Variants in NOL3 observed in about 807,000 individuals in gnomAD.
NOL3 encodes muscle-enriched cytoplasmic protein.
NOL3 carries 18 observed loss-of-function variants against 19.2 expected under a neutral mutation model. That is an observed-to-expected ratio of 0.94 (90% CI 0.65 to 1.39). The LOEUF (loss-of-function observed/expected upper bound fraction) is 1.39. NOL3 is among the 40% of genes most tolerant of loss of function. The pLI is 0.00. For synonymous variants in NOL3, 127 were observed against 137.3 expected (o/e 0.93, Z 0.52); for missense variants, 290 against 289.5 (o/e 1.00, Z -0.01).
In NOL3 at chr16:67,170,866, C is replaced by G. The variant is rs916431925; in HGVS notation, c.-9+292C>G. 2.0e-5 allele frequency among the ~76,000 whole-genome samples: 3 copies of G among 152,216 alleles called. No individual in the cohort carries two copies. The highest frequency in any genetic ancestry group is 4.4e-5 in the Non-Finnish European group (3 of 68,040). On this transcript the variant is annotated intron_variant, in intron 1 of 3. Coordinates refer to ENST00000268605, the Ensembl canonical transcript of NOL3. The surrounding 1 kb of genome is among the most constrained non-coding windows in gnomAD (Gnocchi z 5.7). ...CTTCCTGGCCAAAGAGCCCGCGCAG[C>G]GAGGTGGGGTTGGGGGCTGGGACCC...
chr16:67,172,405 G>A (rs1466826266), intron 1 of NOL3, among the ~76,000 whole-genome samples: 3 of 152,044 alleles, frequency 2.0e-5, no homozygotes, highest in Non-Finnish European at 2.9e-5. Context: ...GAGGTCAGGA[G>A]TTCGAGACCA....
chr16:67,174,117 G>A (rs774217286), intron 1 of NOL3, 45 bp from the exon 2 acceptor site: 1 of 1,601,596 alleles, frequency 6.2e-7, no homozygotes, highest in Non-Finnish European at 8.5e-7. Flanking sequence ...CGAGGGCAGC[G>A]GGGAGGGCAA....
chr16:67,171,405 A>T (rs2031749728), intron 1 of NOL3: 1 of 152,282 alleles, frequency 6.6e-6, no homozygotes, highest in South Asian at 2.1e-4. Flanking sequence ...GGAGAAAAGG[A>T]TTCCAGTCTT....
chr16:67,173,573 A>G (rs2031901065), intron 1 of NOL3, among the ~76,000 whole-genome samples: 1 of 152,140 alleles, frequency 6.6e-6, no homozygotes, highest in African/African-American at 2.4e-5. Flanking sequence ...AGGATAGAGT[A>G]TGGAAGCAGG....
At chr16:67,174,580 A>AG (rs1555551368) in intron 2 of NOL3, 41 bp from the exon 3 acceptor site, 1 of 1,513,356 alleles carries the variant, frequency 6.6e-7, no homozygotes, top group Non-Finnish European at 8.8e-7. Flanking sequence ...GAAACCGCAC[A>AG]GGGGTAAATT....
chr16:67,174,811 T>C (rs1327510764), exon 3 of NOL3: 1 of 1,604,444 alleles, frequency 6.2e-7, no homozygotes, highest in East Asian at 2.2e-5. Flanking sequence ...CTGAGGCCTC[T>C]AAAGAGGCTG....
chr16:67,171,347 G>A (rs1039768975), intron 1 of NOL3: 6 of 152,334 alleles, frequency 3.9e-5, no homozygotes, highest in African/African-American at 1.2e-4. Flanking sequence ...GTGTAGACAA[G>A]GGAACATTTG....
exon 4 of NOL3, chr16:67,175,059 CA>C: frequency 6.2e-7 from 1 of 1,614,262 alleles, no homozygotes; most frequent in South Asian, 1.1e-5. Flanking sequence ...TCCTGAAGGC[CA>C]GAGCTCTGAC....
At chr16:67,172,178 G>A (rs1428087837) in intron 1 of NOL3, among the ~76,000 whole-genome samples, 1 of 151,264 alleles carries the variant, frequency 6.6e-6, no homozygotes, top group Non-Finnish European at 1.5e-5. Context: ...CCAAGGCGGG[G>A]AGGAGAAGAA....
At chr16:67,174,851 G>C in exon 3 of NOL3, 1 of 1,607,924 alleles carries the variant, frequency 6.2e-7, no homozygotes, top group Non-Finnish European at 8.5e-7. Context: ...GCCAGAGCTG[G>C]AACCCGAGGC....
rs1344718467 is a variant in NOL3 at position 67,170,781 on chromosome 16, G to GT, written c.-9+207_-9+208insT. On this transcript the variant is annotated intron_variant, in intron 1 of 3. Transcript: ENST00000268605. The surrounding 1 kb of genome is among the most constrained non-coding windows in gnomAD (Gnocchi z 5.7). Reference sequence around the variant, plus strand: ...CTGGGTGGAGGGAGGTAAGGGGCGGGGGGGGAAAATCCGTGCAGTCGCACA... The same window carrying GT: ...CTGGGTGGAGGGAGGTAAGGGGCGGGTGGGGGAAAATCCGTGCAGTCGCACA... Among the ~76,000 whole-genome samples, 2 of 150,372 alleles carry GT rather than the reference G, an allele frequency of 1.3e-5. No individual in the cohort carries two copies. The highest frequency in any genetic ancestry group is 5.0e-5 in the African/African-American group (2 of 39,724).
At chr16:67,175,353 A>C in exon 4 of NOL3, 1 of 1,288,122 alleles carries the variant, frequency 7.8e-7, no homozygotes, top group Non-Finnish European at 9.8e-7. Context: ...GAGATCCCAA[A>C]CCTAGCCCCC....
exon 3 of NOL3, chr16:67,174,700 C>G (rs2032042824): frequency 6.2e-7 from 1 of 1,603,168 alleles, no homozygotes; most frequent in African/African-American, 1.3e-5. Context: ...CCACATGCCC[C>G]GGGTTGCCCA....
chr16:67,174,779 G>A lies in NOL3; in HGVS notation c.454G>A (p.Glu152Lys), dbSNP rs765488823. The A allele has an allele frequency of 4.5e-5, 72 of 1,606,498 alleles. No homozygotes were observed. The Middle Eastern group carries it at 1.3e-3, about 30-fold the overall frequency. ...GGCGGTGCAATCCGGGACCCCGGAG[G>A]AGCCAGAGCCAGAGCTGGAAGCTGA... The change falls in exon 3 of 4, where the codon GAG becomes AAG. Residue 152 changes from glutamate (E) to lysine (K), a missense_variant. Transcript: ENST00000268605.
At chr16:67,171,945 C>G (rs915761032) in intron 1 of NOL3, 1 of 152,098 alleles carries the variant, frequency 6.6e-6, no homozygotes, top group African/African-American at 2.4e-5. Context: ...GTCCTGGTCT[C>G]GGCCTGGTGG....
exon 3 of NOL3, chr16:67,174,666 C>A (rs775312956): frequency 6.3e-7 from 1 of 1,582,668 alleles, no homozygotes; most frequent in Non-Finnish European, 8.6e-7. Flanking sequence ...GGCCACTGGA[C>A]GCCGGAGGCA....
At chr16:67,174,414 G>A in exon 2 of NOL3, 1 of 1,533,462 alleles carries the variant, frequency 6.5e-7, no homozygotes, top group Non-Finnish European at 8.7e-7. Context: ...TGTGCCCAGC[G>A]TACCGCGGGC....
At chr16:67,173,478 G>T (rs895774145) in intron 1 of NOL3, among the ~76,000 whole-genome samples, 5 of 151,948 alleles carry the variant, frequency 3.3e-5, no homozygotes, top group Non-Finnish European at 7.4e-5. Context: ...GGCTTGTCCT[G>T]GAAAGTTGGA....
At chr16:67,175,721 G>A (rs563863283) in exon 4 of NOL3, 2 of 152,394 alleles carry the variant, frequency 1.3e-5, no homozygotes, top group African/African-American at 4.8e-5. Flanking sequence ...CTTACTAAAT[G>A]AATAAGGACT....
Sources: gnomAD v4.1 joint callset for allele counts (sites outside exome capture counted in the v4.1 genomes callset) on GRCh38, gnomAD v4.1.1 for gene constraint, Gnocchi (gnomAD v3.1) non-coding constraint, MANE v1.5 for transcripts, NCBI Gene and HGNC (gene_info 2026-07-23, HGNC 2026-07-21) for gene names.